Variants in TMEM132D observed in about 807,000 individuals in gnomAD.
The protein encoded by TMEM132D is mature OL transmembrane protein.
A neutral mutation model predicts 62.3 loss-of-function variants in TMEM132D; 21 were observed. The ratio of observed to expected loss-of-function variants is 0.34; its 90% confidence interval spans 0.24 to 0.49. The LOEUF (loss-of-function observed/expected upper bound fraction) is 0.49, where lower values mean the gene tolerates loss of function less well. Ranked by LOEUF, TMEM132D falls within the 20% of genes least tolerant of loss-of-function variation. The probability of loss-of-function intolerance (pLI) is 0.99; values close to 1 mark genes in which losing one functional copy is unlikely to be tolerated. For synonymous variants in TMEM132D, 621 were observed against 575.6 expected (o/e 1.08, Z -1.13); for missense variants, 1,346 against 1,402.8 (o/e 0.96, Z 0.65).
intron 3 of TMEM132D, among the ~76,000 whole-genome samples, chr12:129,407,911 T>C (rs1482935178): frequency 1.3e-5 from 2 of 151,046 alleles, no homozygotes; most frequent in Non-Finnish European, 2.9e-5. Context: ...AAAAAGCTAA[T>C]TTTAAGGTAA....
intron 4 of TMEM132D, among the ~76,000 whole-genome samples, chr12:129,319,367 C>T (rs1442977957): frequency 1.3e-5 from 2 of 152,156 alleles, no homozygotes; most frequent in Non-Finnish European, 1.5e-5. Context: ...ACAAACAGAC[C>T]TTCAGCTTCT....
chr12:129,386,597 C>T (rs1259985200), intron 3 of TMEM132D, among the ~76,000 whole-genome samples: 1 of 151,574 alleles, frequency 6.6e-6, no homozygotes, highest in Non-Finnish European at 1.5e-5. Context: ...AACACTATCA[C>T]TAACACCAAC....
At chr12:129,627,794 C>T (rs1879259426) in intron 2 of TMEM132D, among the ~76,000 whole-genome samples, 1 of 152,126 alleles carries the variant, frequency 6.6e-6, no homozygotes, top group Non-Finnish European at 1.5e-5. Flanking sequence ...CAAGACCAAC[C>T]TGGGCAACAT....
intron 3 of TMEM132D, among the ~76,000 whole-genome samples, chr12:129,339,591 A>G (rs941994297): frequency 2.6e-5 from 4 of 152,162 alleles, no homozygotes; most frequent in Non-Finnish European, 5.9e-5. Context: ...CTTTCTTTAC[A>G]TAAGAAAAGA....
intron 3 of TMEM132D, among the ~76,000 whole-genome samples, chr12:129,408,092 C>T (rs553076590): frequency 5.3e-5 from 8 of 152,066 alleles, no homozygotes; most frequent in South Asian, 2.1e-4. Context: ...TGATCTCCCC[C>T]CTCTGGTTTA....
At chr12:129,144,400 G>A (rs768872141) in intron 5 of TMEM132D, among the ~76,000 whole-genome samples, 28 of 152,148 alleles carry the variant, frequency 1.8e-4, no homozygotes, top group Non-Finnish European at 3.2e-4. Context: ...AGCATCATAA[G>A]AACAGAGGCT....
At chr12:129,345,029 G>A (rs752952461) in intron 3 of TMEM132D, among the ~76,000 whole-genome samples, 5 of 152,058 alleles carry the variant, frequency 3.3e-5, no homozygotes, top group Admixed American at 6.6e-5. Context: ...GTTTCATTTC[G>A]CACACTGAAA....
At position 129,757,243 on chromosome 12, in the gene TMEM132D, C is replaced by T. The variant is rs146304681; in HGVS notation, c.80-56545G>A. ...GCCCCAGTTTACCAGCTCGCAGACC[C>T]TGTCATTATTTTAGAAATTACTAAT... On this transcript the variant is annotated intron_variant, in intron 1 of 8. Coordinates refer to ENST00000422113, the MANE Select transcript of TMEM132D (RefSeq NM_133448.3). 7.3e-4 allele frequency among the ~76,000 whole-genome samples: 111 copies of T among 152,288 alleles called. 1 individual carries two copies. The highest frequency in any genetic ancestry group is 3.4e-3 in the Middle Eastern group (1 of 294).
At chr12:129,504,967 G>A (rs976680058) in intron 3 of TMEM132D, among the ~76,000 whole-genome samples, 1 of 152,070 alleles carries the variant, frequency 6.6e-6, no homozygotes, top group Non-Finnish European at 1.5e-5. Flanking sequence ...TTTCATTGTT[G>A]ACCCACTGAT....
chr12:129,522,004 C>T (rs1213177308), intron 3 of TMEM132D, among the ~76,000 whole-genome samples: 1 of 151,978 alleles, frequency 6.6e-6, no homozygotes, highest in East Asian at 1.9e-4. Context: ...AACTGTGTGC[C>T]TAAAATAGGT....
chr12:129,465,764 C>G (rs920129240), intron 3 of TMEM132D, among the ~76,000 whole-genome samples: 1 of 152,128 alleles, frequency 6.6e-6, no homozygotes, highest in Admixed American at 6.5e-5. Context: ...CTCACTGTAA[C>G]CTCTGCCTCC....
intron 3 of TMEM132D, among the ~76,000 whole-genome samples, chr12:129,450,612 G>A (rs1873244504): frequency 6.6e-6 from 1 of 152,122 alleles, no homozygotes; most frequent in South Asian, 2.1e-4. Flanking sequence ...ACATTTATGT[G>A]CTATTGGCAG....
intron 1 of TMEM132D, among the ~76,000 whole-genome samples, chr12:129,777,326 T>C (rs894848795): frequency 1.2e-4 from 19 of 152,206 alleles, no homozygotes; most frequent in African/African-American, 4.1e-4. Context: ...TTTTTTTCTA[T>C]GTGATATCAC....
intron 5 of TMEM132D, among the ~76,000 whole-genome samples, chr12:129,205,743 C>G (rs143321513): frequency 6.6e-6 from 1 of 151,984 alleles, no homozygotes; most frequent in South Asian, 2.1e-4. Context: ...GAACATACTC[C>G]AAAATCAACC....
rs564480113 is a variant in TMEM132D at position 129,380,736 on chromosome 12, C to T, written c.1116-42919G>A. ...CCTCTCCTGTCCCCCATCCCCATCC[C>T]TAATCCCTGGCAACCGCTATTGTGT... On this transcript the variant is annotated intron_variant, in intron 3 of 8. Coordinates refer to ENST00000422113, the MANE Select transcript of TMEM132D (RefSeq NM_133448.3). Among the ~76,000 whole-genome samples the T allele has an allele frequency of 2.0e-5, 3 of 152,260 alleles. No homozygotes were observed. In the East Asian group the frequency reaches 5.8e-4, roughly 29 times the overall value.
intron 3 of TMEM132D, among the ~76,000 whole-genome samples, chr12:129,394,130 G>A (rs1312919998): frequency 2.0e-5 from 3 of 152,154 alleles, no homozygotes; most frequent in Non-Finnish European, 2.9e-5. Flanking sequence ...AGCAACAGGC[G>A]GAGGATGCTG....
Position 129,326,851 on chromosome 12 carries a change from A to C in TMEM132D, c.1299+10783T>G, listed in dbSNP as rs532478347. On this transcript the variant is annotated intron_variant, in intron 4 of 8. Coordinates refer to ENST00000422113, the MANE Select transcript of TMEM132D (RefSeq NM_133448.3). Reference sequence around the variant, plus strand: ...TGGTATAATATTTTCACTGAATTATAAACTATAAATAAAAGAAAATAGTTT... The same window carrying C: ...TGGTATAATATTTTCACTGAATTATCAACTATAAATAAAAGAAAATAGTTT... 2.0e-5 allele frequency among the ~76,000 whole-genome samples: 3 copies of C among 152,376 alleles called. No homozygotes were observed. The East Asian group carries it at 5.8e-4, about 29-fold the overall frequency.
At chr12:129,756,095 G>A (rs1227454558) in intron 1 of TMEM132D, among the ~76,000 whole-genome samples, 1 of 152,212 alleles carries the variant, frequency 6.6e-6, no homozygotes, top group Non-Finnish European at 1.5e-5. Flanking sequence ...GGGAGGCGAA[G>A]AGTAGAATAG....
chr12:129,556,440 T>C (rs1300446708), intron 2 of TMEM132D, among the ~76,000 whole-genome samples: 2 of 151,414 alleles, frequency 1.3e-5, no homozygotes, highest in Non-Finnish European at 2.9e-5. Context: ...GTTCTTATCA[T>C]GTCTTCCCCT....
Sources: gnomAD v4.1 joint callset for allele counts (sites outside exome capture counted in the v4.1 genomes callset) on GRCh38, gnomAD v4.1.1 for gene constraint, MANE v1.5 for transcripts, NCBI Gene and HGNC (gene_info 2026-07-23, HGNC 2026-07-21) for gene names.